XIRP2: variants seen among roughly 807,000 people sequenced by gnomAD.
XIRP2 encodes the protein xin actin-binding repeat-containing protein 2.
A neutral mutation model predicts 277.0 loss-of-function variants in XIRP2; 236 were observed. That is an observed-to-expected ratio of 0.85 (90% CI 0.77 to 0.95). The LOEUF is 0.95. XIRP2 is among the 40% of genes least tolerant of loss of function. The probability of loss-of-function intolerance (pLI) is 0.00; values close to 1 mark genes in which losing one functional copy is unlikely to be tolerated. For missense variants in XIRP2, 4,640 were observed against 4,157.5 expected (o/e 1.12, Z -3.19); for synonymous variants, 1,490 against 1,416.5 (o/e 1.05, Z -1.17).
intron 3 of XIRP2, among the ~76,000 whole-genome samples, chr2:167,142,430 C>T (rs1484544054): frequency 6.6e-6 from 1 of 152,058 alleles, no homozygotes; most frequent in Non-Finnish European, 1.5e-5. Flanking sequence ...CACCTGTCGT[C>T]CCAGCTACTC....
At chr2:166,968,418 C>A (rs186480966) in intron 2 of XIRP2, among the ~76,000 whole-genome samples, 3 of 152,068 alleles carry the variant, frequency 2.0e-5, no homozygotes, top group African/African-American at 7.2e-5. Flanking sequence ...GAAACAGAAT[C>A]TGTCCTTTAA....
chr2:167,164,573 G>T lies in XIRP2; in HGVS notation c.562+28511G>T, dbSNP rs116497003. ...AGAATTGACATCATAGCAACATTAAGTCCTCCAATATTTTAACATGGTGTA... is the reference window on the plus strand; with the variant it reads ...AGAATTGACATCATAGCAACATTAATTCCTCCAATATTTTAACATGGTGTA... On this transcript the variant is annotated intron_variant, in intron 3 of 10. Transcript: ENST00000409195. 3.5e-3 allele frequency among the ~76,000 whole-genome samples: 532 copies of T among 151,268 alleles called. 1 individual carries two copies. Among genetic ancestry groups the T allele is most frequent in the African/African-American group, 0.012 (499 of 41,140 alleles).
chr2:167,249,659 C>T lies in XIRP2; in HGVS notation c.8267C>T (p.Ala2756Val). Residue 2756 changes from alanine to valine, a missense_variant, in exon 9 of 11, where the codon GCA becomes GTA. Coordinates refer to ENST00000409195, the MANE Select transcript of XIRP2 (RefSeq NM_152381.6). ...TATCTGAAAACCAAGAAAACTGAAG[C>T]AAGCACTGAATGTAGTCATAAGCAA... ...KQYLKTKKTE[A>V]STECSHKQSL... 3 of 1,613,440 alleles carry T rather than the reference C, an allele frequency of 1.9e-6. No individual in the cohort carries two copies. The East Asian group carries it at 6.7e-5, about 36-fold the overall frequency.
At chr2:166,988,170 C>T (rs1406940441) in intron 2 of XIRP2, among the ~76,000 whole-genome samples, 1 of 152,178 alleles carries the variant, frequency 6.6e-6, no homozygotes, top group Non-Finnish European at 1.5e-5. Flanking sequence ...CAAGCACCCC[C>T]TACTCTAATG....
intron 1 of XIRP2, among the ~76,000 whole-genome samples, chr2:166,899,127 G>C (rs532445069): frequency 6.6e-6 from 1 of 152,004 alleles, no homozygotes; most frequent in African/African-American, 2.4e-5. Flanking sequence ...ATATTTCTTA[G>C]AACACATTTT....
intron 2 of XIRP2, among the ~76,000 whole-genome samples, chr2:166,985,457 T>TA (rs925845527): frequency 6.6e-6 from 1 of 151,466 alleles, no homozygotes; most frequent in African/African-American, 2.4e-5. Context: ...TTTTTGGAGA[T>TA]AGAGTCTCTG....
At chr2:167,036,372 C>A (rs1391330848) in intron 2 of XIRP2, among the ~76,000 whole-genome samples, 1 of 152,178 alleles carries the variant, frequency 6.6e-6, no homozygotes, top group Non-Finnish European at 1.5e-5. Flanking sequence ...CATGGGAATC[C>A]ACCTCTTGCA....
At chr2:167,161,460 C>T (rs1692360259) in intron 3 of XIRP2, among the ~76,000 whole-genome samples, 2 of 152,194 alleles carry the variant, frequency 1.3e-5, no homozygotes, top group Admixed American at 1.3e-4. Context: ...TTCCCAAACC[C>T]CAATTCTTGA....
intron 2 of XIRP2, among the ~76,000 whole-genome samples, chr2:166,944,106 C>G (rs539294137): frequency 1.3e-5 from 2 of 152,312 alleles, no homozygotes; most frequent in East Asian, 3.9e-4. Flanking sequence ...CTGGAACTTA[C>G]TAACTTTCTA....
chr2:166,954,391 T>C (rs1686111496), intron 2 of XIRP2, among the ~76,000 whole-genome samples: 1 of 151,922 alleles, frequency 6.6e-6, no homozygotes, highest in Non-Finnish European at 1.5e-5. Flanking sequence ...CCAGTCAGAA[T>C]GGCAATTATT....
intron 2 of XIRP2, among the ~76,000 whole-genome samples, chr2:166,917,269 A>G (rs777215072): frequency 3.3e-5 from 5 of 152,170 alleles, no homozygotes; most frequent in Non-Finnish European, 5.9e-5. Context: ...AGATGATGAG[A>G]CAAAGAGCTG....
At chr2:167,196,694 C>T (rs531650785) in intron 3 of XIRP2, among the ~76,000 whole-genome samples, 43 of 152,014 alleles carry the variant, frequency 2.8e-4, no homozygotes, top group Non-Finnish European at 5.6e-4. Flanking sequence ...ATCTGCTTTC[C>T]TTGGCAGGCT....
chr2:167,240,868 G>A lies in XIRP2; in HGVS notation c.1042+132G>A, dbSNP rs112921782. The A allele has an allele frequency of 3.7e-5, 27 of 738,716 alleles. 1 individual carries two copies. The highest frequency in any genetic ancestry group is 3.0e-4 in the African/African-American group (17 of 56,370). 45.8% of individuals were successfully genotyped at this position (738,716 alleles called of 1,614,324 possible). A position where few individuals can be genotyped will look rare whatever the true frequency, so the allele number is the denominator to read the frequency against. ...TAACTATGACTCATGGTTCCAGGGAGAGCTGAGTAGTATTTCTACAAATAA... is the reference window on the plus strand; with the variant it reads ...TAACTATGACTCATGGTTCCAGGGAAAGCTGAGTAGTATTTCTACAAATAA... On this transcript the variant is annotated intron_variant, in intron 7 of 10. Coordinates refer to ENST00000409195, the MANE Select transcript of XIRP2 (RefSeq NM_152381.6).
chr2:167,122,437 A>G (rs1471353772), intron 2 of XIRP2, among the ~76,000 whole-genome samples: 3 of 152,202 alleles, frequency 2.0e-5, no homozygotes, highest in African/African-American at 7.2e-5. Flanking sequence ...GAAAAGGCTT[A>G]TTCTGCAGAG....
chr2:166,909,695 A>T (rs1483413384), intron 2 of XIRP2, among the ~76,000 whole-genome samples: 1 of 152,194 alleles, frequency 6.6e-6, no homozygotes, highest in African/African-American at 2.4e-5. Flanking sequence ...GTCTTGTGCC[A>T]GTTTTCAAAG....
At chr2:166,916,948 G>C (rs960022776) in intron 2 of XIRP2, among the ~76,000 whole-genome samples, 18 of 152,102 alleles carry the variant, frequency 1.2e-4, no homozygotes, top group African/African-American at 4.3e-4. Context: ...CATTTAAGAG[G>C]CAGCACCTAA....
intron 2 of XIRP2, among the ~76,000 whole-genome samples, chr2:167,060,693 T>A (rs1437679860): frequency 1.3e-5 from 2 of 152,158 alleles, no homozygotes; most frequent in African/African-American, 4.8e-5. Flanking sequence ...TATGTGTGGA[T>A]CCATTACTGG....
intron 2 of XIRP2, among the ~76,000 whole-genome samples, chr2:167,104,959 C>A (rs7606905): frequency 6.6e-6 from 1 of 151,822 alleles, no homozygotes; most frequent in Non-Finnish European, 1.5e-5. Flanking sequence ...TTACTAAAAG[C>A]AAAAGCAAGT....
At chr2:166,945,933 G>A (rs1685851826) in intron 2 of XIRP2, among the ~76,000 whole-genome samples, 1 of 151,948 alleles carries the variant, frequency 6.6e-6, no homozygotes, top group Non-Finnish European at 1.5e-5. Flanking sequence ...AACAGTGGGA[G>A]AACCAAAGTA....
Sources: allele counts gnomAD v4.1 joint callset (sites outside exome capture counted in the v4.1 genomes callset), GRCh38; gene constraint gnomAD v4.1.1; transcripts MANE v1.5; gene names NCBI Gene and HGNC (gene_info 2026-07-23, HGNC 2026-07-21).